The following CFAP299 variants were observed in gnomAD, a reference collection of about 807,000 sequenced individuals.
CFAP299 encodes cilia and flagella associated protein 299, also known as cilia- and flagella-associated protein 299.
In CFAP299, 21 loss-of-function variants were observed where a neutral mutation model predicts 27.0. The observed-to-expected ratio is 0.78, with a 90% CI of 0.55 to 1.12. The LOEUF (loss-of-function observed/expected upper bound fraction) is 1.12, where lower values mean the gene tolerates loss of function less well. Among genes scored for constraint, CFAP299 ranks in the 50% most tolerant of loss-of-function variants. The probability of loss-of-function intolerance (pLI) is 0.00; values close to 1 mark genes in which losing one functional copy is unlikely to be tolerated. For synonymous variants in CFAP299, 104 were observed against 98.1 expected, an observed-to-expected ratio of 1.06 and a Z score of -0.36; for missense variants, 310 against 276.6, an observed-to-expected ratio of 1.12 and a Z score of -0.86.
intron 3 of CFAP299, among the ~76,000 whole-genome samples, chr4:80,723,624 A>G (rs546092104): frequency 6.6e-6 from 1 of 152,272 alleles, no homozygotes; most frequent in South Asian, 2.1e-4. Context: ...TGGGAACAAG[A>G]TAACTCTTAG....
At chr4:80,494,502 ACT>A (rs2110143046) in intron 2 of CFAP299, among the ~76,000 whole-genome samples, 1 of 152,188 alleles carries the variant, frequency 6.6e-6, no homozygotes, top group South Asian at 2.1e-4. Flanking sequence ...GTTATATTAG[ACT>A]CTAGATGATC....
At chr4:80,351,782 GATTAAT>G (rs1419141382) in intron 1 of CFAP299, among the ~76,000 whole-genome samples, 1 of 150,118 alleles carries the variant, frequency 6.7e-6, no homozygotes, top group East Asian at 1.9e-4. Flanking sequence ...AAAACATTAA[GATTAAT>G]ATTAATGTTA....
intron 2 of CFAP299, among the ~76,000 whole-genome samples, chr4:80,507,170 C>T (rs570363628): frequency 6.6e-6 from 1 of 152,140 alleles, no homozygotes; most frequent in South Asian, 2.1e-4. Context: ...TTATAGTAAG[C>T]ATGTAAGAGA....
intron 2 of CFAP299, among the ~76,000 whole-genome samples, chr4:80,390,105 A>T (rs1725244055): frequency 6.6e-6 from 1 of 152,146 alleles, no homozygotes; most frequent in African/African-American, 2.4e-5. Context: ...TAACATTTCC[A>T]TCACAATACC....
intron 2 of CFAP299, among the ~76,000 whole-genome samples, chr4:80,526,065 A>G (rs1452169559): frequency 6.6e-6 from 1 of 152,114 alleles, no homozygotes; most frequent in African/African-American, 2.4e-5. Context: ...TTAAATATAA[A>G]CTGGATCTAA....
At position 80,778,118 on chromosome 4, in the gene CFAP299, A is replaced by G. The variant is rs372667335; in HGVS notation, c.334-91875A>G. Reference sequence around the variant, plus strand: ...TTTCCTCAGAGACATGAAAAGTCAGAAAAACAATTCCAGCTTCTAAAGTTT... The same window carrying G: ...TTTCCTCAGAGACATGAAAAGTCAGGAAAACAATTCCAGCTTCTAAAGTTT... On this transcript the variant is annotated intron_variant, in intron 3 of 5. Coordinates refer to ENST00000358105, the MANE Select transcript of CFAP299 (RefSeq NM_152770.3). Among the ~76,000 whole-genome samples the G allele has an allele frequency of 2.6e-5, 4 of 152,284 alleles. No individual in the cohort carries two copies. The East Asian group carries it at 5.8e-4, about 22-fold the overall frequency.
chr4:80,675,890 T>C (rs947830878), intron 3 of CFAP299, among the ~76,000 whole-genome samples: 2 of 152,226 alleles, frequency 1.3e-5, no homozygotes, highest in African/African-American at 2.4e-5. Context: ...GCTATGATCA[T>C]TGGAAAAGCA....
chr4:80,688,888 T>G (rs1720434205), intron 3 of CFAP299, among the ~76,000 whole-genome samples: 1 of 151,476 alleles, frequency 6.6e-6, no homozygotes, highest in South Asian at 2.1e-4. Context: ...GAGAACTACG[T>G]GAAGAATGCA....
chr4:80,517,493 A>G (rs1308358521), intron 2 of CFAP299, among the ~76,000 whole-genome samples: 1 of 152,180 alleles, frequency 6.6e-6, no homozygotes, highest in Non-Finnish European at 1.5e-5. Context: ...TTGTAGATCA[A>G]GCTGTGGAAA....
chr4:80,576,217 T>A (rs904711201), intron 2 of CFAP299, among the ~76,000 whole-genome samples: 3 of 147,964 alleles, frequency 2.0e-5, no homozygotes, highest in Admixed American at 2.0e-4. Flanking sequence ...TATATATATA[T>A]AAAATCTCTT....
intron 2 of CFAP299, among the ~76,000 whole-genome samples, chr4:80,443,163 G>A (rs1331357635): frequency 2.0e-5 from 3 of 152,048 alleles, no homozygotes; most frequent in Admixed American, 1.3e-4. Context: ...AGAAAGAGAG[G>A]GACTCCTACC....
At position 80,669,079 on chromosome 4, in the gene CFAP299, T is replaced by G. The variant is rs988810651; in HGVS notation, c.333+85896T>G. Among the ~76,000 whole-genome samples the G allele has an allele frequency of 2.6e-5, 4 of 151,320 alleles. No homozygotes were observed. In the East Asian group the frequency reaches 5.8e-4, roughly 22 times the overall value. The stretch of plus-strand genomic sequence containing the variant: ...AGGTATTTTATATTCTTTGTAGCTC[T>G]TGTAAATAAAATTACTTAATTTCTT... On this transcript the variant is annotated intron_variant, in intron 3 of 5. Transcript: ENST00000358105.
chr4:80,363,069 T>G (rs1417559235), intron 2 of CFAP299, among the ~76,000 whole-genome samples, 185 bp downstream of exon 2: 1 of 152,218 alleles, frequency 6.6e-6, no homozygotes, highest in Non-Finnish European at 1.5e-5. Context: ...TAAAGCCACA[T>G]GCAACTTCAA....
chr4:80,946,184 T>C (rs1158879872), intron 5 of CFAP299, among the ~76,000 whole-genome samples: 2 of 151,774 alleles, frequency 1.3e-5, no homozygotes, highest in East Asian at 3.9e-4. Context: ...TTACCTGAAA[T>C]GAGATACAGC....
chr4:80,777,264 A>G (rs1252272494), intron 3 of CFAP299, among the ~76,000 whole-genome samples: 1 of 152,130 alleles, frequency 6.6e-6, no homozygotes, highest in East Asian at 1.9e-4. Context: ...GTGTTCAGAT[A>G]CAATATTTGC....
At chr4:80,883,691 A>C (rs950298743) in intron 4 of CFAP299, among the ~76,000 whole-genome samples, 3 of 152,186 alleles carry the variant, frequency 2.0e-5, no homozygotes, top group Non-Finnish European at 4.4e-5. Context: ...GGGATAAAGA[A>C]GTTCATAATA....
chr4:80,347,518 A>G (rs1242415482), intron 1 of CFAP299, among the ~76,000 whole-genome samples: 1 of 152,114 alleles, frequency 6.6e-6, no homozygotes, highest in Non-Finnish European at 1.5e-5. Context: ...TCATGTATGA[A>G]CTCTCATTTA....
At chr4:80,458,594 AGCC>A (rs1297265750) in intron 2 of CFAP299, among the ~76,000 whole-genome samples, 1 of 152,190 alleles carries the variant, frequency 6.6e-6, no homozygotes, top group Non-Finnish European at 1.5e-5. Flanking sequence ...TTTTAAATAT[AGCC>A]AATTTATTTA....
chr4:80,941,506 T>C (rs1221768131), intron 4 of CFAP299, among the ~76,000 whole-genome samples: 1 of 152,342 alleles, frequency 6.6e-6, no homozygotes, highest in Non-Finnish European at 1.5e-5. Context: ...ATAGATGTCA[T>C]AGGAAACCAC....
Sources: gnomAD v4.1 joint callset for allele counts (sites outside exome capture counted in the v4.1 genomes callset) on GRCh38, gnomAD v4.1.1 for gene constraint, MANE v1.5 for transcripts, NCBI Gene and HGNC (gene_info 2026-07-23, HGNC 2026-07-21) for gene names.